Variants in GRIA2 observed in about 807,000 individuals in gnomAD.
The protein encoded by GRIA2 is glutamate receptor 2.
In GRIA2, 14 loss-of-function variants were observed where a neutral mutation model predicts 97.3. That is an observed-to-expected ratio of 0.14 (90% CI 0.10 to 0.23). The LOEUF is 0.23. GRIA2 is among the 10% of genes least tolerant of loss of function. The probability of loss-of-function intolerance (pLI) is 1.00; values close to 1 mark genes in which losing one functional copy is unlikely to be tolerated. For missense variants in GRIA2, 558 were observed against 1,069.8 expected, an observed-to-expected ratio of 0.52 and a Z score of 6.67; for synonymous variants, 412 against 387.8, an observed-to-expected ratio of 1.06 and a Z score of -0.73.
chr4:157,249,169 G>A (rs1182922948), intron 2 of GRIA2, among the ~76,000 whole-genome samples: 1 of 152,060 alleles, frequency 6.6e-6, no homozygotes, highest in African/African-American at 2.4e-5. Context: ...TGTGCTAGAC[G>A]CAGTGCTGAG....
intron 2 of GRIA2, among the ~76,000 whole-genome samples, chr4:157,294,545 G>A (rs1464791204): frequency 6.6e-6 from 1 of 151,920 alleles, no homozygotes; most frequent in Non-Finnish European, 1.5e-5. Context: ...GAAATATAAA[G>A]AAAGAAAAAG....
chr4:157,270,281 C>G (rs1400937631), intron 2 of GRIA2, among the ~76,000 whole-genome samples: 1 of 152,006 alleles, frequency 6.6e-6, no homozygotes, highest in Non-Finnish European at 1.5e-5. Flanking sequence ...GAAGTCCTGG[C>G]ACTCTAAAAG....
intron 2 of GRIA2, among the ~76,000 whole-genome samples, chr4:157,237,439 C>T (rs950683943): frequency 3.1e-4 from 47 of 151,948 alleles, no homozygotes; most frequent in African/African-American, 1.1e-3. Flanking sequence ...GGACTACAGG[C>T]ACATGCCACT....
chr4:157,286,327 T>C (rs1296930899), intron 2 of GRIA2, among the ~76,000 whole-genome samples: 2 of 151,586 alleles, frequency 1.3e-5, no homozygotes, highest in African/African-American at 4.8e-5. Flanking sequence ...CAAATTTTTA[T>C]TTGAAAATGT....
intron 2 of GRIA2, among the ~76,000 whole-genome samples, chr4:157,281,450 G>A (rs915421309): frequency 6.6e-6 from 1 of 151,950 alleles, no homozygotes; most frequent in African/African-American, 2.4e-5. Context: ...ATGCATTTTA[G>A]TTCTAGCAGA....
At chr4:157,295,894 AAC>A (rs1016592583) in intron 2 of GRIA2, among the ~76,000 whole-genome samples, 1 of 152,156 alleles carries the variant, frequency 6.6e-6, no homozygotes, top group Non-Finnish European at 1.5e-5. Flanking sequence ...TTAAAACTTT[AAC>A]AATTTATTTC....
intron 2 of GRIA2, among the ~76,000 whole-genome samples, chr4:157,258,094 C>A (rs775391948): frequency 2.6e-5 from 4 of 151,894 alleles, no homozygotes; most frequent in Non-Finnish European, 4.4e-5. Context: ...ACCTCAGGAC[C>A]CTGTGATGAT....
intron 6 of GRIA2, among the ~76,000 whole-genome samples, chr4:157,322,254 T>C (rs993966449): frequency 1.4e-5 from 2 of 147,136 alleles, no homozygotes; most frequent in Non-Finnish European, 3.1e-5. Context: ...TGTGTGTGTG[T>C]GTGTGTGTGT....
chr4:157,266,450 G>A (rs192082253), intron 2 of GRIA2, among the ~76,000 whole-genome samples: 120 of 152,228 alleles, frequency 7.9e-4, no homozygotes, highest in African/African-American at 2.9e-3. Flanking sequence ...CTTAAAGAGT[G>A]TGGTGTCGTG....
At chr4:157,297,011 G>A (rs181179220) in intron 2 of GRIA2, among the ~76,000 whole-genome samples, 6 of 152,288 alleles carry the variant, frequency 3.9e-5, no homozygotes, top group African/African-American at 1.2e-4. Flanking sequence ...CTGAGCAAAT[G>A]CTATACGTGC....
chr4:157,288,432 A>G (rs1487867029), intron 2 of GRIA2, among the ~76,000 whole-genome samples: 2 of 151,690 alleles, frequency 1.3e-5, no homozygotes, highest in South Asian at 2.1e-4. Flanking sequence ...CTCCATTGGA[A>G]CATCGCTGTG....
chr4:157,231,511 T>C lies in GRIA2; in HGVS notation c.229+9704T>C, dbSNP rs368423284. ...CATTTCTCTGAGGAAAAAACACAAA[T>C]TTAAGGTGCTTTATTATTCTGGGCT... On this transcript the variant is annotated intron_variant, in intron 2 of 15. Coordinates refer to ENST00000264426, the MANE Select transcript of GRIA2 (RefSeq NM_001083619.3). Among the ~76,000 whole-genome samples, 7 of 152,186 alleles carry C rather than the reference T, an allele frequency of 4.6e-5. No individual in the cohort carries two copies. The East Asian group carries it at 9.7e-4, about 21-fold the overall frequency.
intron 6 of GRIA2, among the ~76,000 whole-genome samples, chr4:157,328,981 A>G (rs1242916201): frequency 1.3e-5 from 2 of 151,988 alleles, no homozygotes; most frequent in African/African-American, 4.8e-5. Flanking sequence ...TTATGCCTTT[A>G]TGCAGTGAAG....
intron 2 of GRIA2, among the ~76,000 whole-genome samples, chr4:157,296,454 G>A (rs1046067421): frequency 6.6e-6 from 1 of 151,940 alleles, no homozygotes; most frequent in Non-Finnish European, 1.5e-5. Context: ...CTTCTGATTT[G>A]GATATTGCAG....
chr4:157,241,806 G>C (rs1730523856), intron 2 of GRIA2, among the ~76,000 whole-genome samples: 1 of 151,934 alleles, frequency 6.6e-6, no homozygotes. Context: ...GAAAACCATA[G>C]AGCATCATTG....
In GRIA2 at chr4:157,363,641, G is replaced by A; in HGVS notation, c.*210G>A. ...GAGTGCCTTACACAATGGTTTTCTT[G>A]TGTGTTTATTGTCAAAGTGGTGAGA... On this transcript the variant is annotated 3_prime_UTR_variant, in exon 16 of 16. Coordinates refer to ENST00000264426, the MANE Select transcript of GRIA2 (RefSeq NM_001083619.3). The A allele has an allele frequency of 8.6e-7, 1 of 1,158,504 alleles. No homozygotes were observed. Among genetic ancestry groups the A allele is most frequent in the Non-Finnish European group, 1.1e-6 (1 of 919,256 alleles). 71.8% of individuals were successfully genotyped at this position (1,158,504 alleles called of 1,614,324 possible).
intron 12 of GRIA2, among the ~76,000 whole-genome samples, chr4:157,342,931 C>T (rs1579378800): frequency 6.6e-6 from 1 of 152,076 alleles, no homozygotes; most frequent in East Asian, 1.9e-4. Flanking sequence ...TACACATTCA[C>T]ATTCACAAAG....
intron 3 of GRIA2, 43 bp downstream of exon 3, chr4:157,303,834 A>G (rs769556913): frequency 2.6e-5 from 42 of 1,588,866 alleles, no homozygotes; most frequent in Middle Eastern, 1.7e-4. Flanking sequence ...GGCGAATTCA[A>G]TGCCTACACT....
rs74908867 is a variant in GRIA2 at position 157,264,183 on chromosome 4, A to T, written c.230-39369A>T. On this transcript the variant is annotated intron_variant, in intron 2 of 15. Coordinates refer to ENST00000264426, the MANE Select transcript of GRIA2 (RefSeq NM_001083619.3). ...TTGGCTTTCTATTGCTGCCATAACA[A>T]ATTACTACAAACCGTGATTTATAAC... Among the ~76,000 whole-genome samples the T allele has an allele frequency of 7.1e-3, 1,078 of 152,218 alleles. 5 individuals are homozygous for T. The highest frequency in any genetic ancestry group is 0.011 in the Non-Finnish European group (769 of 68,002).
Sources: gnomAD v4.1 joint callset for allele counts (sites outside exome capture counted in the v4.1 genomes callset) on GRCh38, gnomAD v4.1.1 for gene constraint, MANE v1.5 for transcripts, NCBI Gene and HGNC (gene_info 2026-07-23, HGNC 2026-07-21) for gene names.